SARS1: variants seen among roughly 807,000 people sequenced by gnomAD.
SARS1 encodes seryl-tRNA synthetase 1.
A neutral mutation model predicts 63.7 loss-of-function variants in SARS1; 25 were observed. The ratio of observed to expected loss-of-function variants is 0.39; its 90% CI spans 0.29 to 0.55. The LOEUF is 0.55. Ranked by LOEUF, SARS1 falls within the 20% of genes least tolerant of loss-of-function variation. SARS1 has a pLI of 0.62. For missense variants in SARS1, 417 were observed against 649.7 expected (o/e 0.64, Z 3.89); for synonymous variants, 231 against 243.5 (o/e 0.95, Z 0.48).
intron 1 of SARS1, chr1:109,217,251 T>TA (rs1033828813): frequency 2.5e-4 from 131 of 532,098 alleles, no homozygotes; most frequent in Admixed American, 1.3e-4. Flanking sequence ...GAAATACACA[T>TA]ACCCTACTGA....
At chr1:109,225,110 A>T (rs1321329239) in intron 2 of SARS1, among the ~76,000 whole-genome samples, 1 of 152,158 alleles carries the variant, frequency 6.6e-6, no homozygotes, top group Non-Finnish European at 1.5e-5. Context: ...CCTGTCTCCA[A>T]AATAAATAAA....
chr1:109,225,969 T>A (rs1043862893), intron 2 of SARS1, among the ~76,000 whole-genome samples: 1 of 152,126 alleles, frequency 6.6e-6, no homozygotes, highest in African/African-American at 2.4e-5. Flanking sequence ...CAAGACTCAT[T>A]CTGATAGTTT....
chr1:109,220,431 T>G (rs1654903829), intron 1 of SARS1, among the ~76,000 whole-genome samples: 1 of 152,256 alleles, frequency 6.6e-6, no homozygotes, highest in Non-Finnish European at 1.5e-5. Context: ...TATAGTGGTG[T>G]CTCATTGTTA....
Position 109,214,913 on chromosome 1 carries a change from A to G in SARS1, c.136+785A>G. The stretch of plus-strand genomic sequence containing the variant: ...TGAAGCCGAATAAAACCATAGAACC[A>G]TCTGCCCATAAATCTCTGCCTGTAT... On this transcript the variant is annotated intron_variant, in intron 1 of 10. Transcript: ENST00000234677. The surrounding 1 kb of genome is among the most constrained non-coding windows in gnomAD (Gnocchi z 4.6). 1 of 985,488 alleles carries G rather than the reference A, an allele frequency of 1.0e-6. No homozygotes were observed. 61.0% of individuals were successfully genotyped at this position (985,488 alleles called of 1,614,324 possible). A position where few individuals can be genotyped will look rare whatever the true frequency, so the allele number is the denominator to read the frequency against.
intron 2 of SARS1, among the ~76,000 whole-genome samples, chr1:109,227,576 A>G (rs1655116067): frequency 6.6e-6 from 1 of 151,942 alleles, no homozygotes; most frequent in African/African-American, 2.4e-5. Flanking sequence ...CTTAGCCTCA[A>G]TGCTGGGATT....
rs138358316 is a variant in SARS1 at position 109,234,732 on chromosome 1, G to T, written c.748-478G>T. Among the ~76,000 whole-genome samples the T allele has an allele frequency of 8.4e-3, 1,282 of 152,336 alleles. 20 individuals carry two copies. The highest frequency in any genetic ancestry group is 0.03 in the African/African-American group (1,229 of 41,574). On this transcript the variant is annotated intron_variant, in intron 6 of 10. Coordinates refer to ENST00000234677, the MANE Select transcript of SARS1 (RefSeq NM_006513.4). ...TGTAACCCCAGCACTTTGGGAGGCT[G>T]AGGCAGGTGGATCACCTGAGGTCAG... is the stretch of plus-strand genomic sequence containing the variant.
At chr1:109,231,526 T>G in intron 5 of SARS1, 105 bp from the exon 6 acceptor site, 1 of 981,912 alleles carries the variant, frequency 1.0e-6, no homozygotes, top group Non-Finnish European at 1.4e-6. Flanking sequence ...TGCTTGCCCC[T>G]CGGTAGTCCT....
At position 109,237,791 on chromosome 1, in the gene SARS1, A is replaced by T; in HGVS notation, c.1448A>T (p.Lys483Met). The change falls in exon 11 of 11, where the codon AAG becomes ATG. Residue 483 changes from lysine (K) to methionine (M), a missense_variant. Physicochemically the swap from Lys to Met is moderately conservative, Grantham distance 95. This residue lies in a region of SARS1 where 43 missense variants were observed against 68.1 expected (regional missense o/e 0.63). Coordinates refer to ENST00000234677, the MANE Select transcript of SARS1 (RefSeq NM_006513.4). This position sits in a 1 kb window ranked among gnomAD's most constrained non-coding sequence, Gnocchi z 4.1. ...PAPIEQEPSKKQKKQHEGSKK... is the reference protein window; with the variant it reads ...PAPIEQEPSKMQKKQHEGSKK... ...CCCATTGAGCAGGAGCCATCAAAGA[A>T]GCAGAAGAAGCAACATGAGGGCAGC... 6.2e-7 allele frequency: 1 copy of T among 1,614,220 alleles called. No homozygotes were observed. Among genetic ancestry groups the T allele is most frequent in the Non-Finnish European group, 8.5e-7 (1 of 1,180,030 alleles).
At chr1:109,233,000 C>A (rs1655238494) in intron 6 of SARS1, among the ~76,000 whole-genome samples, 2 of 152,140 alleles carry the variant, frequency 1.3e-5, no homozygotes, top group South Asian at 4.1e-4. Flanking sequence ...CTGATAAAAA[C>A]CTCAGTTCTG....
chr1:109,226,326 C>T (rs2101193951), intron 2 of SARS1, among the ~76,000 whole-genome samples: 1 of 149,482 alleles, frequency 6.7e-6, no homozygotes, highest in Admixed American at 6.7e-5. Flanking sequence ...CCATGCTTTA[C>T]ATTTAGGAGA....
intron 1 of SARS1, among the ~76,000 whole-genome samples, chr1:109,221,954 ATT>A (rs372600041): frequency 1.1e-5 from 1 of 89,284 alleles, no homozygotes; most frequent in African/African-American, 5.2e-5. Flanking sequence ...TGCTCAGCTA[ATT>A]TTTTTGTGTG....
At chr1:109,217,249 C>A in intron 1 of SARS1, 1 of 544,980 alleles carries the variant, frequency 1.8e-6, no homozygotes, top group Non-Finnish European at 2.3e-6. Flanking sequence ...ATGAAATACA[C>A]ATACCCTACT....
In SARS1 at chr1:109,236,567, G is replaced by A. The variant is rs764998312; in HGVS notation, c.1257+19G>A. 63 of 1,594,744 alleles carry A rather than the reference G, an allele frequency of 4.0e-5. No individual in the cohort carries two copies. Among genetic ancestry groups the A allele is most frequent in the African/African-American group, 6.7e-5 (5 of 74,640 alleles). On this transcript the variant is annotated intron_variant, in intron 9 of 10. Transcript: ENST00000234677. ...GGACAAGGTAGATGGCCCCCAGGGA[G>A]GTGGGAAGCAGAGTCTTCAGTACAC...
intron 6 of SARS1, among the ~76,000 whole-genome samples, chr1:109,234,880 C>T (rs564387084): frequency 3.3e-5 from 5 of 152,250 alleles, no homozygotes; most frequent in East Asian, 1.9e-4. Flanking sequence ...GTGGGAGAGT[C>T]GCTTGAACCT....
chr1:109,236,144 T>G (rs769843930), intron 8 of SARS1, 38 bp downstream of exon 8: 1 of 1,595,644 alleles, frequency 6.3e-7, no homozygotes, highest in East Asian at 2.2e-5. Context: ...CCCTTTCCTG[T>G]AATCCCAGAC....
rs185260834 is a variant in SARS1 at position 109,236,837 on chromosome 1, C to T, written c.1257+289C>T. ...ATAATCTCCATTTATCTACACAGAA[C>T]AAGTTGGAGGCTTCCCTCTTCTCAC... is the stretch of plus-strand genomic sequence containing the variant. On this transcript the variant is annotated intron_variant, in intron 9 of 10. Coordinates refer to ENST00000234677, the MANE Select transcript of SARS1 (RefSeq NM_006513.4). 24 of 1,603,204 alleles carry T rather than the reference C, an allele frequency of 1.5e-5. No homozygotes were observed. In the East Asian group the frequency reaches 4.5e-4, roughly 30 times the overall value.
At chr1:109,230,131 C>T (rs1469485496) in intron 4 of SARS1, among the ~76,000 whole-genome samples, 2 of 151,946 alleles carry the variant, frequency 1.3e-5, no homozygotes, top group Non-Finnish European at 2.9e-5. Flanking sequence ...GGTCAGGGCC[C>T]TGAGTCCGCC....
At chr1:109,222,010 ATTTTTTTTTTTTTTTTTTT>A (rs1172469174) in intron 1 of SARS1, among the ~76,000 whole-genome samples, 3 of 21,208 alleles carry the variant, frequency 1.4e-4, no homozygotes, top group Admixed American at 9.3e-4. Context: ...ATATATATAT[ATTTTTTTTTTTTTTTTTTT>A]TTTTTTTTTT....
chr1:109,230,796 C>T, intron 4 of SARS1, 82 bp from the exon 5 acceptor site: 2 of 1,299,948 alleles, frequency 1.5e-6, no homozygotes, highest in Non-Finnish European at 2.1e-6. Context: ...CGGCGTAAGA[C>T]CCTGTCTCCA....
Sources: allele counts gnomAD v4.1 joint callset (sites outside exome capture counted in the v4.1 genomes callset), GRCh38; gene constraint gnomAD v4.1.1; regional missense constraint gnomAD v4.1.1; non-coding constraint Gnocchi (gnomAD v3.1); transcripts MANE v1.5; gene names NCBI Gene and HGNC (gene_info 2026-07-23, HGNC 2026-07-21).